ZC4H2: variants seen among roughly 807,000 people sequenced by gnomAD.
ZC4H2 encodes the protein zinc finger C4H2 domain-containing protein.
For missense variants in ZC4H2, 137 were observed against 173.9 expected (o/e 0.79, Z 1.19); for synonymous variants, 84 against 66.3 (o/e 1.27, Z -1.30).
chrX:64,977,079 G>T (rs748251897), upstream of ZC4H2, among the ~76,000 whole-genome samples: 2 of 111,801 alleles, frequency 1.8e-5, no homozygotes, highest in East Asian at 5.6e-4. Flanking sequence ...AGTACTGTAG[G>T]AGTCACCGGG....
chrX:65,019,161 C>G (rs1315063318), intron 1 of ZC4H2, among the ~76,000 whole-genome samples: 7 of 111,719 alleles, frequency 6.3e-5, no homozygotes, highest in Non-Finnish European at 5.7e-5. Context: ...AAGCAGATCA[C>G]CCAGGACAGC....
At position 64,998,938 on chromosome X, in the gene ZC4H2, A is replaced by G. The variant is rs780951500; in HGVS notation, c.-272+35691T>C. On this transcript the variant is annotated intron_variant, in intron 1 of 4. Transcript: ENST00000337990. ...CCAATCCTGATCCCTTTGAATTACTATTTTCATTTAATATGAATATTATTC... is the reference window on the plus strand; with the variant it reads ...CCAATCCTGATCCCTTTGAATTACTGTTTTCATTTAATATGAATATTATTC... 3.1e-5 allele frequency among the ~76,000 whole-genome samples: 3 copies of G among 97,565 alleles called. No individual in the cohort carries two copies. The South Asian group carries it at 1.3e-3, about 43-fold the overall frequency. The allele number at this position is 97,565 out of a possible 115,157, so 84.7% of individuals were successfully genotyped here. A position where few individuals can be genotyped will look rare whatever the true frequency, so the allele number is the denominator to read the frequency against.
At chrX:64,952,000 G>T (rs1257771321) in intron 1 of ZC4H2, among the ~76,000 whole-genome samples, 1 of 111,200 alleles carries the variant, frequency 9.0e-6, no homozygotes, top group Admixed American at 9.5e-5. Context: ...AAGGGATCCA[G>T]TTTCAGCTTT....
At chrX:65,004,451 C>T (rs1190595189) in intron 1 of ZC4H2, among the ~76,000 whole-genome samples, 2 of 111,974 alleles carry the variant, frequency 1.8e-5, no homozygotes, top group East Asian at 5.6e-4. Context: ...AAACGTAATC[C>T]ATCACATAAA....
chrX:64,919,310 C>A (rs1029300873), intron 3 of ZC4H2, 106 bp from the exon 4 acceptor site: 11 of 930,254 alleles, frequency 1.2e-5, no homozygotes, highest in African/African-American at 1.2e-4. Context: ...GTGGCTCATT[C>A]TAGAAGGTCC....
intron 1 of ZC4H2, among the ~76,000 whole-genome samples, chrX:65,003,545 AAAG>A (rs1171920235): frequency 9.0e-6 from 1 of 111,636 alleles, no homozygotes; most frequent in African/African-American, 3.3e-5. Flanking sequence ...CGAGACTAAT[AAAG>A]AAGAAAAAAG....
At chrX:65,000,605 A>C (rs1032085505) in intron 1 of ZC4H2, among the ~76,000 whole-genome samples, 3 of 112,073 alleles carry the variant, frequency 2.7e-5, no homozygotes, top group Non-Finnish European at 5.6e-5. Context: ...TGAGAGAAGT[A>C]GGCTTCAGAA....
chrX:64,935,832 A>G (rs1929982918), intron 1 of ZC4H2, among the ~76,000 whole-genome samples: 1 of 110,810 alleles, frequency 9.0e-6, no homozygotes, highest in African/African-American at 3.3e-5. Context: ...AGGTAAATAA[A>G]TCTACAAAGA....
intron 1 of ZC4H2, among the ~76,000 whole-genome samples, chrX:64,982,434 T>C (rs1384423538): frequency 8.9e-6 from 1 of 112,309 alleles, no homozygotes; most frequent in Non-Finnish European, 1.9e-5. Context: ...ACCTAGCACA[T>C]TGGTTGAATT....
At chrX:64,945,596 T>C (rs1930491589) in intron 1 of ZC4H2, among the ~76,000 whole-genome samples, 1 of 111,529 alleles carries the variant, frequency 9.0e-6, no homozygotes, top group African/African-American at 3.3e-5. Context: ...TCCCTTAGCA[T>C]AGCTCTAGCA....
At chrX:64,963,085 A>T (rs1241043127) in intron 1 of ZC4H2, among the ~76,000 whole-genome samples, 2 of 111,424 alleles carry the variant, frequency 1.8e-5, no homozygotes, top group African/African-American at 6.5e-5. Context: ...ATAAAAACAG[A>T]CATAGAGGCC....
intron 1 of ZC4H2, among the ~76,000 whole-genome samples, chrX:64,931,545 C>G (rs919496002): frequency 9.0e-6 from 1 of 111,407 alleles, no homozygotes; most frequent in African/African-American, 3.3e-5. Flanking sequence ...TTTTTGTAAG[C>G]TGTGTAACTA....
intron 1 of ZC4H2, among the ~76,000 whole-genome samples, chrX:65,010,545 T>C (rs1247454481): frequency 8.9e-6 from 1 of 111,885 alleles, no homozygotes; most frequent in Admixed American, 9.5e-5. Flanking sequence ...CTATTGAAGC[T>C]ATCCCATAGT....
chrX:65,006,344 T>C (rs1385923445), intron 1 of ZC4H2, among the ~76,000 whole-genome samples: 1 of 111,309 alleles, frequency 9.0e-6, no homozygotes, highest in African/African-American at 3.3e-5. Context: ...ATTAAGAAAA[T>C]GTGGCACATA....
At chrX:65,022,944 G>T (rs1247161131) in intron 1 of ZC4H2, among the ~76,000 whole-genome samples, 1 of 111,644 alleles carries the variant, frequency 9.0e-6, no homozygotes, top group Non-Finnish European at 1.9e-5. Context: ...CTTTTTATCA[G>T]GTTTGTCAAA....
intron 1 of ZC4H2, among the ~76,000 whole-genome samples, chrX:65,020,984 A>AAT (rs901653668): frequency 9.2e-6 from 1 of 109,059 alleles, no homozygotes; most frequent in African/African-American, 3.6e-5. Context: ...TAACTATCCT[A>AAT]ATATATATAC....
rs76218640 is a variant in ZC4H2 at position 64,983,996 on chromosome X, T to C, written c.-272+50633A>G. Among the ~76,000 whole-genome samples, 10 of 111,718 alleles carry C rather than the reference T, an allele frequency of 9.0e-5. No individual in the cohort carries two copies. In the East Asian group the frequency reaches 2.8e-3, roughly 31 times the overall value. On this transcript the variant is annotated intron_variant, in intron 1 of 4. Coordinates refer to the ZC4H2 transcript ENST00000337990. ...GCTTGTTTGTTACATGGATATTATATGCATAATGGTGGGGGTTGAGCTTCT... is the reference window on the plus strand; with the variant it reads ...GCTTGTTTGTTACATGGATATTATACGCATAATGGTGGGGGTTGAGCTTCT...
chrX:64,956,324 G>T (rs1931153636), intron 1 of ZC4H2, among the ~76,000 whole-genome samples: 1 of 111,329 alleles, frequency 9.0e-6, no homozygotes, highest in South Asian at 3.8e-4. Flanking sequence ...GGAACCCTGG[G>T]TAAGGAGCAT....
chrX:64,924,674 C>T lies in ZC4H2; in HGVS notation c.54-2686G>A, dbSNP rs183250170. Among the ~76,000 whole-genome samples the T allele has an allele frequency of 1.9e-3, 217 of 111,416 alleles. 1 individual carries two copies. The highest frequency in any genetic ancestry group is 5.7e-3 in the Admixed American group (59 of 10,430). On this transcript the variant is annotated intron_variant, in intron 1 of 4. Transcript: ENST00000374839. ...GACCTGAAGAATCAATAGGAGTTCG[C>T]TGGTGAGTGCAGGTGGGCACACAGG... is the stretch of plus-strand genomic sequence containing the variant.
Sources: gnomAD v4.1 joint callset for allele counts (sites outside exome capture counted in the v4.1 genomes callset) on GRCh38, gnomAD v4.1.1 for gene constraint, MANE v1.5 for transcripts, NCBI Gene and HGNC (gene_info 2026-07-23, HGNC 2026-07-21) for gene names.